The following PLXDC2 variants were observed in gnomAD, a reference collection of about 807,000 sequenced individuals.
PLXDC2 encodes the protein plexin domain-containing protein 2.
Under a neutral mutation model 68.9 loss-of-function variants are expected in PLXDC2, and 40 were observed. The observed-to-expected ratio is 0.58, with a 90% confidence interval of 0.45 to 0.76. The LOEUF is 0.76. Among genes scored for constraint, PLXDC2 ranks in the 30% least tolerant of loss-of-function variants. The probability of loss-of-function intolerance (pLI) is 0.00; values close to 1 mark genes in which losing one functional copy is unlikely to be tolerated. For missense variants in PLXDC2, 644 were observed against 661.9 expected (o/e 0.97, Z 0.30); for synonymous variants, 243 against 234.2 (o/e 1.04, Z -0.34).
At chr10:20,245,263 A>G in intron 12 of PLXDC2, 82 bp from the exon 13 acceptor site, 1 of 1,450,160 alleles carries the variant, frequency 6.9e-7, no homozygotes. Flanking sequence ...TACTTTATTA[A>G]AAACACAAAT....
At chr10:20,203,879 A>C (rs1249871470) in intron 9 of PLXDC2, among the ~76,000 whole-genome samples, 1 of 152,186 alleles carries the variant, frequency 6.6e-6, no homozygotes, top group Non-Finnish European at 1.5e-5. Flanking sequence ...GCAGATAACT[A>C]TTCTTATGAA....
At chr10:19,931,018 G>A (rs1159683164) in intron 1 of PLXDC2, among the ~76,000 whole-genome samples, 1 of 152,164 alleles carries the variant, frequency 6.6e-6, no homozygotes, top group Admixed American at 6.6e-5. Context: ...AAGATGGAAA[G>A]AAAGAAAAGA....
intron 12 of PLXDC2, among the ~76,000 whole-genome samples, chr10:20,244,880 C>T (rs1835568117): frequency 1.3e-5 from 2 of 152,180 alleles, no homozygotes; most frequent in Non-Finnish European, 2.9e-5. Flanking sequence ...CTTTGGGAGG[C>T]TGAGGCAGGC....
At chr10:20,240,723 A>G (rs1835503367) in intron 12 of PLXDC2, among the ~76,000 whole-genome samples, 1 of 151,868 alleles carries the variant, frequency 6.6e-6, no homozygotes, top group Non-Finnish European at 1.5e-5. Context: ...AAAAAAAAAA[A>G]AAAAAAAAGG....
chr10:19,955,936 A>G (rs1213299374), intron 1 of PLXDC2, among the ~76,000 whole-genome samples: 4 of 152,112 alleles, frequency 2.6e-5, no homozygotes, highest in Non-Finnish European at 4.4e-5. Context: ...AAAATTAGCC[A>G]GGCATGGTGG....
At chr10:19,821,450 C>CT (rs1201432075) in intron 1 of PLXDC2, among the ~76,000 whole-genome samples, 6 of 152,150 alleles carry the variant, frequency 3.9e-5, no homozygotes, top group Non-Finnish European at 5.9e-5. Context: ...AAGGCACTTG[C>CT]TTGATATTGT....
intron 1 of PLXDC2, among the ~76,000 whole-genome samples, chr10:19,901,785 A>G (rs117966883): frequency 0.041 from 6,281 of 152,096 alleles, 178 homozygotes; most frequent in Middle Eastern, 0.11. Flanking sequence ...CGATGTTATC[A>G]TCTAGAATTT....
At chr10:19,951,361 A>C (rs979162337) in intron 1 of PLXDC2, among the ~76,000 whole-genome samples, 10 of 152,202 alleles carry the variant, frequency 6.6e-5, no homozygotes, top group African/African-American at 2.4e-4. Context: ...CAAAGAAACA[A>C]ACACATACAC....
intron 1 of PLXDC2, among the ~76,000 whole-genome samples, chr10:19,915,291 A>T (rs1318394680): frequency 6.6e-6 from 1 of 151,998 alleles, no homozygotes; most frequent in Admixed American, 6.6e-5. Flanking sequence ...ATCTTTTTGT[A>T]TATTTTTAGT....
At chr10:19,966,115 ATTTC>A (rs1386302629) in intron 1 of PLXDC2, among the ~76,000 whole-genome samples, 7 of 150,966 alleles carry the variant, frequency 4.6e-5, no homozygotes, top group Non-Finnish European at 1.0e-4. Context: ...GTAAAGTCAT[ATTTC>A]TTTCTTTCTC....
chr10:19,837,138 T>C (rs449584), intron 1 of PLXDC2, among the ~76,000 whole-genome samples: 94,987 of 150,752 alleles, frequency 0.63, 30,492 homozygotes, highest in East Asian at 0.75. Flanking sequence ...TTTATAAGAT[T>C]GTTTGAGGAC....
At position 20,217,542 on chromosome 10, in the gene PLXDC2, G is replaced by A. The variant is rs140753845; in HGVS notation, c.1239G>A (p.Val413=). 6.3e-7 allele frequency: 1 copy of A among 1,590,588 alleles called. No individual in the cohort carries two copies. Among genetic ancestry groups the A allele is most frequent in the African/African-American group, 1.4e-5 (1 of 72,336 alleles). Residue 413 remains valine (V), a synonymous_variant, in exon 11 of 14, where the codon GTG becomes GTA. Coordinates refer to ENST00000377252, the MANE Select transcript of PLXDC2 (RefSeq NM_032812.9). ...FRVLTTTRRA[V]TSQFPTSLPT... is the part of the protein sequence containing the mutation. ...TCCTAACTACCACCAGAAGAGCAGT[G>A]ACTTCTCAGTTTCCCACCAGCCTCC... is the stretch of plus-strand genomic sequence containing the variant.
chr10:20,045,098 T>A (rs150285547), intron 2 of PLXDC2, among the ~76,000 whole-genome samples: 113 of 152,350 alleles, frequency 7.4e-4, no homozygotes, highest in African/African-American at 2.7e-3. Context: ...CTTCTTTCTC[T>A]GCAGACCTTT....
chr10:20,103,529 G>T (rs1024127736), intron 4 of PLXDC2, among the ~76,000 whole-genome samples: 1 of 151,900 alleles, frequency 6.6e-6, no homozygotes, highest in African/African-American at 2.4e-5. Flanking sequence ...TTGTAAAGGG[G>T]TGCAGAGGAA....
chr10:20,100,042 G>A (rs969437114), intron 4 of PLXDC2, among the ~76,000 whole-genome samples: 3 of 152,038 alleles, frequency 2.0e-5, no homozygotes, highest in African/African-American at 4.8e-5. Flanking sequence ...ATTCCCTGTC[G>A]CAAAATTTAT....
chr10:20,073,988 A>T (rs1564305320), intron 4 of PLXDC2, among the ~76,000 whole-genome samples: 1 of 152,112 alleles, frequency 6.6e-6, no homozygotes, highest in Non-Finnish European at 1.5e-5. Context: ...GAGATGGGTT[A>T]ATTACAACTT....
At chr10:20,084,888 A>G (rs1227941090) in intron 4 of PLXDC2, among the ~76,000 whole-genome samples, 1 of 152,032 alleles carries the variant, frequency 6.6e-6, no homozygotes, top group African/African-American at 2.4e-5. Context: ...AGGAAAAAAA[A>G]AAAAAAATAA....
At chr10:20,240,302 A>G (rs1226206485) in intron 12 of PLXDC2, among the ~76,000 whole-genome samples, 1 of 152,152 alleles carries the variant, frequency 6.6e-6, no homozygotes, top group African/African-American at 2.4e-5. Flanking sequence ...TCTATGGTGT[A>G]TATGGACAAC....
chr10:20,017,600 C>T (rs534194850), intron 2 of PLXDC2, among the ~76,000 whole-genome samples: 1 of 152,326 alleles, frequency 6.6e-6, no homozygotes, highest in Admixed American at 6.5e-5. Context: ...ACACAGACTT[C>T]CTCCGAACAG....
Sources: allele counts gnomAD v4.1 joint callset (sites outside exome capture counted in the v4.1 genomes callset), GRCh38; gene constraint gnomAD v4.1.1; transcripts MANE v1.5; gene names NCBI Gene and HGNC (gene_info 2026-07-23, HGNC 2026-07-21).